Variants in CHID1 observed in about 807,000 individuals in gnomAD.
CHID1 encodes chitinase domain containing 1, also known as chitinase domain-containing protein 1.
CHID1 carries 44 observed loss-of-function variants against 55.4 expected under a neutral mutation model. That is an observed-to-expected ratio of 0.79 (90% CI 0.62 to 1.02). The LOEUF is 1.02. Ranked by LOEUF, CHID1 falls within the 50% of genes least tolerant of loss-of-function variation. The pLI, the probability that CHID1 is intolerant of heterozygous loss-of-function variation, is 0.00. For missense variants in CHID1, 491 were observed against 515.3 expected (o/e 0.95, Z 0.46); for synonymous variants, 216 against 212.9 (o/e 1.01, Z -0.13).
chr11:909,590 G>A (rs572623693), intron 1 of CHID1, among the ~76,000 whole-genome samples: 10 of 152,336 alleles, frequency 6.6e-5, no homozygotes, highest in Non-Finnish European at 1.0e-4. Flanking sequence ...CCCAGCACAC[G>A]TGTATGTCAT....
intron 7 of CHID1, among the ~76,000 whole-genome samples, chr11:895,779 C>A (rs545160604): frequency 2.0e-5 from 3 of 152,258 alleles, no homozygotes; most frequent in Admixed American, 2.0e-4. Context: ...AGAGGCAGGA[C>A]TGTGCTGAGG....
chr11:885,465 G>T (rs1296240962), intron 8 of CHID1, among the ~76,000 whole-genome samples: 1 of 151,722 alleles, frequency 6.6e-6, no homozygotes, highest in African/African-American at 2.4e-5. Flanking sequence ...CATCATCCAT[G>T]GTCCCCTCAG....
At chr11:877,995 C>T (rs979530879) in intron 10 of CHID1, among the ~76,000 whole-genome samples, 2 of 152,204 alleles carry the variant, frequency 1.3e-5, no homozygotes, top group South Asian at 2.1e-4. Flanking sequence ...AAGGGGAAGG[C>T]GGCAGCTCGC....
At chr11:879,181 G>A (rs988287664) in intron 10 of CHID1, among the ~76,000 whole-genome samples, 2 of 152,064 alleles carry the variant, frequency 1.3e-5, no homozygotes, top group Non-Finnish European at 2.9e-5. Context: ...TAGTAGAGAC[G>A]GGGTTTCACT....
Position 900,946 on chromosome 11 carries a change from G to A in CHID1, c.429C>T (p.Gly143=), listed in dbSNP as rs1215455757. The stretch of plus-strand genomic sequence containing the variant: ...GCCTGCCGCACTTACCTATGTGCAG[G>A]CCCTTGGCATGCTTCCTGACAGCTC... ...WMRAVRKHAK[G]LHIVPRLLFE... The change falls in exon 5 of 13, where the codon GGC becomes GGT. Residue 143 remains glycine, a synonymous_variant. Transcript: ENST00000323578. 5.6e-6 allele frequency: 9 copies of A among 1,602,770 alleles called. No homozygotes were observed. The African/African-American group carries it at 1.1e-4, about 19-fold the overall frequency.
At chr11:898,731 C>T (rs1229844694) in intron 7 of CHID1, among the ~76,000 whole-genome samples, 1 of 152,208 alleles carries the variant, frequency 6.6e-6, no homozygotes, top group African/African-American at 2.4e-5. Context: ...TCACTCCCTC[C>T]GTTCCTGGTC....
intron 1 of CHID1, 78 bp from the exon 2 acceptor site, chr11:904,937 A>G: frequency 6.8e-7 from 1 of 1,476,554 alleles, no homozygotes; most frequent in African/African-American, 1.4e-5. Flanking sequence ...TGATGGGGCC[A>G]CTTTCTCCTA....
At chr11:890,302 G>C (rs967844176) in intron 8 of CHID1, among the ~76,000 whole-genome samples, 4 of 152,252 alleles carry the variant, frequency 2.6e-5, no homozygotes, top group Non-Finnish European at 5.9e-5. Flanking sequence ...GAGGCAGGTG[G>C]GCGACGGGAG....
chr11:870,550 C>T (rs780405683), intron 10 of CHID1, 51 bp from the exon 11 acceptor site: 117 of 1,330,498 alleles, frequency 8.8e-5, no homozygotes, highest in Non-Finnish European at 1.2e-4. Flanking sequence ...CCCCCACAGC[C>T]CCACCCTGTA....
chr11:881,828 C>T (rs377069606), intron 10 of CHID1, among the ~76,000 whole-genome samples: 2 of 151,406 alleles, frequency 1.3e-5, no homozygotes, highest in African/African-American at 2.4e-5. Flanking sequence ...ATGGCAAAAC[C>T]CTGTCTCTAC....
rs1849470970 is a variant in CHID1, at chr11:875,783, G to C, written c.960-5284C>G. Among the ~76,000 whole-genome samples the C allele has an allele frequency of 6.6e-6, 1 of 152,164 alleles. No individual in the cohort carries two copies. The highest frequency in any genetic ancestry group is 1.5e-5 in the Non-Finnish European group (1 of 68,042). ...CGTGGCAGCAAAAGACGCCACGGCAGTGATGAGGACCACGTGCCTAAGATT... is the reference window on the plus strand; with the variant it reads ...CGTGGCAGCAAAAGACGCCACGGCACTGATGAGGACCACGTGCCTAAGATT... On this transcript the variant is annotated intron_variant, in intron 10 of 12. Coordinates refer to ENST00000323578, the MANE Select transcript of CHID1 (RefSeq NM_023947.4). The surrounding 1 kb of genome is among the most constrained non-coding windows in gnomAD (Gnocchi z 4.7).
chr11:901,875 G>A (rs534784489), intron 4 of CHID1, among the ~76,000 whole-genome samples: 9 of 152,044 alleles, frequency 5.9e-5, no homozygotes, highest in Admixed American at 1.3e-4. Flanking sequence ...CCACACCATG[G>A]GCCTGCTCTG....
At position 868,151 on chromosome 11, in the gene CHID1, G is replaced by C. The variant is rs1162752862; in HGVS notation, c.*1707C>G. ...GCTCCAGGCCCACACCACCCTCCCA[G>C]ACCTGCGTGTCCCCCACCCTCACTC... On this transcript the variant is annotated 3_prime_UTR_variant, in exon 13 of 13. Coordinates refer to ENST00000323578, the MANE Select transcript of CHID1 (RefSeq NM_023947.4). 6.6e-6 allele frequency: 1 copy of C among 150,376 alleles called. No homozygotes were observed. Among genetic ancestry groups the C allele is most frequent in the Non-Finnish European group, 1.5e-5 (1 of 67,820 alleles). 9.3% of individuals were successfully genotyped at this position (150,376 alleles called of 1,614,324 possible).
intron 3 of CHID1, among the ~76,000 whole-genome samples, chr11:902,643 G>A (rs1851902733): frequency 1.4e-5 from 2 of 147,676 alleles, no homozygotes; most frequent in African/African-American, 4.9e-5. Context: ...GAGGCTGGGT[G>A]TGAGAACCCA....
At chr11:881,250 C>G (rs1181233836) in intron 10 of CHID1, among the ~76,000 whole-genome samples, 1 of 151,934 alleles carries the variant, frequency 6.6e-6, no homozygotes, top group Non-Finnish European at 1.5e-5. Context: ...TCAAGACCAG[C>G]CTGGACCACA....
intron 10 of CHID1, among the ~76,000 whole-genome samples, chr11:880,992 C>T (rs1849874927): frequency 6.6e-6 from 1 of 152,178 alleles, no homozygotes. Context: ...CATAATAGGA[C>T]CCCAAACAAG....
At chr11:905,998 A>T (rs924161068) in intron 1 of CHID1, among the ~76,000 whole-genome samples, 1 of 152,230 alleles carries the variant, frequency 6.6e-6, no homozygotes, top group Non-Finnish European at 1.5e-5. Flanking sequence ...AAATCTCACA[A>T]ATCAAGAAAA....
intron 8 of CHID1, among the ~76,000 whole-genome samples, chr11:890,252 C>A (rs1850705746): frequency 6.6e-6 from 1 of 152,230 alleles, no homozygotes; most frequent in African/African-American, 2.4e-5. Context: ...ACACACACTG[C>A]CAGCACGCGG....
intron 5 of CHID1, 31 bp from the exon 6 acceptor site, chr11:900,141 G>C: frequency 1.9e-6 from 3 of 1,546,668 alleles, no homozygotes; most frequent in Non-Finnish European, 2.7e-6. Flanking sequence ...CACGGGGGCC[G>C]TGACTGGGAG....
Sources: allele counts gnomAD v4.1 joint callset (sites outside exome capture counted in the v4.1 genomes callset), GRCh38; gene constraint gnomAD v4.1.1; non-coding constraint Gnocchi (gnomAD v3.1); transcripts MANE v1.5; gene names NCBI Gene and HGNC (gene_info 2026-07-23, HGNC 2026-07-21).